SDR42E2: variants seen among roughly 807,000 people sequenced by gnomAD.
SDR42E2 encodes the protein putative short-chain dehydrogenase/reductase family 42E member 2.
Under a neutral mutation model 10.5 loss-of-function variants are expected in SDR42E2, and 20 were observed. The observed-to-expected ratio is 1.90, with a 90% CI of 1.34 to 2.77. The LOEUF is 2.77. Ranked by LOEUF, SDR42E2 falls within the 30% of genes most tolerant of loss-of-function variation. The pLI is 0.00. For synonymous variants in SDR42E2, 72 were observed against 39.2 expected, an observed-to-expected ratio of 1.84 and a Z score of -3.12; for missense variants, 162 against 104.2, an observed-to-expected ratio of 1.55 and a Z score of -2.42.
At chr16:22,165,350 A>G (rs2142056446) in intron 1 of SDR42E2, among the ~76,000 whole-genome samples, 197 bp from the exon 2 acceptor site, 1 of 152,076 alleles carries the variant, frequency 6.6e-6, no homozygotes, top group Non-Finnish European at 1.5e-5. Context: ...AGCCTCCCAA[A>G]CTGCTGGGAT....
intron 10 of SDR42E2, among the ~76,000 whole-genome samples, chr16:22,183,360 G>A (rs1425132159): frequency 1.3e-5 from 2 of 152,154 alleles, no homozygotes; most frequent in South Asian, 4.1e-4. Flanking sequence ...GGCTGATCTC[G>A]ATGCTTCCAG....
At chr16:22,170,620 C>T (rs959065105) in intron 5 of SDR42E2, among the ~76,000 whole-genome samples, 1 of 152,106 alleles carries the variant, frequency 6.6e-6, no homozygotes, top group Non-Finnish European at 1.5e-5. Flanking sequence ...GGAACTTGAC[C>T]TGCACCCTAA....
intron 8 of SDR42E2, 40 bp from the exon 9 acceptor site, chr16:22,181,479 C>T (rs1002080561): frequency 1.1e-5 from 8 of 702,698 alleles, no homozygotes; most frequent in Non-Finnish European, 2.1e-5. Context: ...TAAAGCCACA[C>T]CGGACACAAG....
chr16:22,172,391 A>T (rs1354312896), intron 7 of SDR42E2, 60 bp downstream of exon 7: 1 of 702,840 alleles, frequency 1.4e-6, no homozygotes, highest in Admixed American at 2.0e-5. Flanking sequence ...CCTCCTCCAA[A>T]ATACATGTGT....
At chr16:22,187,253 A>C (rs1162454730) in intron 12 of SDR42E2, among the ~76,000 whole-genome samples, 4 of 152,188 alleles carry the variant, frequency 2.6e-5, no homozygotes, top group Non-Finnish European at 5.9e-5. Flanking sequence ...TACTACATAC[A>C]GAATATAATT....
chr16:22,170,316 T>C (rs952588021), intron 5 of SDR42E2, among the ~76,000 whole-genome samples: 2 of 152,132 alleles, frequency 1.3e-5, no homozygotes, highest in African/African-American at 4.8e-5. Context: ...ATCGCGCCAT[T>C]GCACTCCAGC....
intron 12 of SDR42E2, among the ~76,000 whole-genome samples, chr16:22,189,218 G>A (rs991943095): frequency 6.6e-6 from 1 of 152,134 alleles, no homozygotes; most frequent in African/African-American, 2.4e-5. Flanking sequence ...TGACCCCAGG[G>A]GCTGTTTCAA....
At chr16:22,179,876 G>A (rs2046678482) in intron 8 of SDR42E2, among the ~76,000 whole-genome samples, 1 of 152,030 alleles carries the variant, frequency 6.6e-6, no homozygotes, top group Non-Finnish European at 1.5e-5. Flanking sequence ...GAGGTAGGGT[G>A]AGGGAATTGG....
rs11865884 is a variant in SDR42E2, at chr16:22,189,387, G to A, written c.1015-752G>A. On this transcript the variant is annotated intron_variant, in intron 12 of 12. Transcript: ENST00000602312. ...GGCTCCCCTGTGCGACCCCAGGCAAGTCACTCAACCTCTCTGACCTTTTTC... is the reference window on the plus strand; with the variant it reads ...GGCTCCCCTGTGCGACCCCAGGCAAATCACTCAACCTCTCTGACCTTTTTC... 3.6e-3 allele frequency among the ~76,000 whole-genome samples: 547 copies of A among 152,304 alleles called. 2 individuals carry two copies. The highest frequency in any genetic ancestry group is 0.012 in the African/African-American group (507 of 41,560).
At position 22,170,912 on chromosome 16, in the gene SDR42E2, G is replaced by A. The variant is rs1333796441; in HGVS notation, c.474G>A (p.Gln158=). 3 of 703,050 alleles carry A rather than the reference G, an allele frequency of 4.3e-6. No homozygotes were observed. In the Admixed American group the frequency reaches 6.0e-5, roughly 14 times the overall value. 43.6% of individuals were successfully genotyped at this position (703,050 alleles called of 1,614,324 possible). The change falls in exon 6 of 13, where the codon CAG becomes CAA. Residue 158 remains glutamine (Q), a synonymous_variant. Transcript: ENST00000602312. The part of the protein sequence containing the change: ...NVAFGGKPIE[Q]GDEDSVPYFP... ...CATTTGGAGGGAAGCCCATAGAGCA[G>A]GGCGATGAGGACTCTGTGCCATATT... is the stretch of plus-strand genomic sequence containing the variant.
In SDR42E2 at chr16:22,173,262, C is replaced by G. The variant is rs538347860; in HGVS notation, c.589+931C>G. Among the ~76,000 whole-genome samples the G allele has an allele frequency of 1.4e-4, 21 of 152,216 alleles. No homozygotes were observed. The East Asian group carries it at 4.1e-3, about 29-fold the overall frequency. On this transcript the variant is annotated intron_variant, in intron 7 of 12. Transcript: ENST00000602312. ...TGAGAAGGAGTATTGCTCTGTCACC[C>G]AGGCTGCAGTGAAATGGTGTGATTT...
chr16:22,174,342 A>C (rs2046626975), intron 7 of SDR42E2, among the ~76,000 whole-genome samples: 1 of 151,936 alleles, frequency 6.6e-6, no homozygotes, highest in African/African-American at 2.4e-5. Flanking sequence ...CAATAATAAT[A>C]ATAATAATCC....
chr16:22,182,165 G>A, intron 9 of SDR42E2, 47 bp from the exon 10 acceptor site: 1 of 407,474 alleles, frequency 2.5e-6, no homozygotes, highest in Non-Finnish European at 4.3e-6. Context: ...GGTGGGGCAG[G>A]CTGCTGGGGA....
In SDR42E2 at chr16:22,181,587, C is replaced by T. The variant is rs1408698166; in HGVS notation, c.741C>T (p.His247=). Residue 247 remains histidine, a synonymous_variant, in exon 9 of 13, where the codon CAC becomes CAT. Transcript: ENST00000602312. Reference sequence around the variant, plus strand: ...ACAAGGCACGGATGAACTGGGTCCACGTACACAATCTGGTGCAGGCACACG... The same window carrying T: ...ACAAGGCACGGATGAACTGGGTCCATGTACACAATCTGGTGCAGGCACACG... ...GDHKARMNWV[H]VHNLVQAHVL... 2.6e-5 allele frequency: 18 copies of T among 703,036 alleles called. No homozygotes were observed. The highest frequency in any genetic ancestry group is 5.4e-5 in the East Asian group (2 of 37,296). The allele number at this position is 703,036 out of a possible 1,614,324, so 43.5% of individuals were successfully genotyped here. A position where few individuals can be genotyped will look rare whatever the true frequency, so the allele number is the denominator to read the frequency against.
intron 7 of SDR42E2, among the ~76,000 whole-genome samples, chr16:22,173,709 A>T (rs1282219546): frequency 2.0e-5 from 3 of 151,908 alleles, no homozygotes; most frequent in African/African-American, 4.8e-5. Flanking sequence ...TTATTCAAAT[A>T]AATTTCGTGC....
Position 22,170,924 on chromosome 16 carries a change from C to T in SDR42E2, c.486C>T (p.Asp162=). ...GGKPIEQGDE[D]SVPYFPLDEH... ...AGCCCATAGAGCAGGGCGATGAGGACTCTGTGCCATATTTCCCATTGGACG... is the reference window on the plus strand; with the variant it reads ...AGCCCATAGAGCAGGGCGATGAGGATTCTGTGCCATATTTCCCATTGGACG... The change falls in exon 6 of 13, where the codon GAC becomes GAT. Residue 162 remains aspartate (D), a synonymous_variant. Coordinates refer to ENST00000602312, the MANE Select transcript of SDR42E2 (RefSeq NM_001394319.2). 2 of 703,034 alleles carry T rather than the reference C, an allele frequency of 2.8e-6. No homozygotes were observed. The highest frequency in any genetic ancestry group is 5.2e-6 in the Non-Finnish European group (2 of 385,006). The allele number at this position is 703,034 out of a possible 1,614,324, so 43.5% of individuals were successfully genotyped here.
intron 11 of SDR42E2, among the ~76,000 whole-genome samples, chr16:22,185,993 C>T (rs1181557270): frequency 6.6e-6 from 1 of 152,052 alleles, no homozygotes; most frequent in African/African-American, 2.4e-5. Context: ...ATCCTCCCTC[C>T]TCAGTCTCTT....
chr16:22,184,379 A>T, intron 11 of SDR42E2, 135 bp downstream of exon 11: 2 of 376,568 alleles, frequency 5.3e-6, no homozygotes. Flanking sequence ...AGGCAGGCAG[A>T]TCACCTGAGA....
chr16:22,164,343 G>C (rs1215601744), intron 1 of SDR42E2, among the ~76,000 whole-genome samples: 1 of 152,130 alleles, frequency 6.6e-6, no homozygotes, highest in African/African-American at 2.4e-5. Context: ...AGGATCACTT[G>C]AGGTCAGGAG....
Sources: allele counts gnomAD v4.1 joint callset (sites outside exome capture counted in the v4.1 genomes callset), GRCh38; gene constraint gnomAD v4.1.1; transcripts MANE v1.5; gene names NCBI Gene and HGNC (gene_info 2026-07-23, HGNC 2026-07-21).